Variants in COL11A2 observed in about 807,000 individuals in gnomAD.
COL11A2 encodes collagen type XI alpha 2 chain.
A neutral mutation model predicts 273.4 loss-of-function variants in COL11A2; 116 were observed. The ratio of observed to expected loss-of-function variants is 0.42; its 90% CI spans 0.36 to 0.49. The LOEUF is 0.49. Ranked by LOEUF, COL11A2 falls within the 20% of genes least tolerant of loss-of-function variation. COL11A2 has a pLI of 0.00. For missense variants in COL11A2, 1,866 were observed against 2,309.0 expected (o/e 0.81, Z 3.93); for synonymous variants, 782 against 864.2 (o/e 0.90, Z 1.67).
chr6:33,178,184 C>T lies in COL11A2; in HGVS notation c.1820G>A (p.Gly607Glu). Reference sequence around the variant, plus strand: ...TTTGGGGCCAAGGAGACCTCGAGGTCCCTGCATTCACGGTGAGGGGAGGAG... The same window carrying T: ...TTTGGGGCCAAGGAGACCTCGAGGTTCCTGCATTCACGGTGAGGGGAGGAG... ...IGPRGLPGES[G>E]PRGLLGPKGP... Residue 607 changes from glycine (G) to glutamate (E), a missense_variant and splice_region_variant, in exon 21 of 66, where the codon GGA (glycine) becomes GAA (glutamate). By Grantham distance (98) the Gly-to-Glu change is moderately conservative. Coordinates refer to ENST00000341947, the MANE Select transcript of COL11A2 (RefSeq NM_080680.3). This position sits in a 1 kb window ranked among gnomAD's most constrained non-coding sequence, Gnocchi z 4.6. 6.2e-7 allele frequency: 1 copy of T among 1,611,994 alleles called. No individual in the cohort carries two copies. Among genetic ancestry groups the T allele is most frequent in the Non-Finnish European group, 8.5e-7 (1 of 1,179,290 alleles).
Position 33,177,951 on chromosome 6 carries a change from G to A in COL11A2, c.1872+181C>T. 1 of 788,076 alleles carries A rather than the reference G, an allele frequency of 1.3e-6. No homozygotes were observed. The highest frequency in any genetic ancestry group is 2.6e-5 in the East Asian group (1 of 38,110). The allele number at this position is 788,076 out of a possible 1,614,324, so 48.8% of individuals were successfully genotyped here. On this transcript the variant is annotated intron_variant, in intron 21 of 65. Coordinates refer to ENST00000341947, the MANE Select transcript of COL11A2 (RefSeq NM_080680.3). The surrounding 1 kb of genome is among the most constrained non-coding windows in gnomAD (Gnocchi z 5.9). Reference sequence around the variant, plus strand: ...AGCCCTCAGGGCACCACGCCACATGGCCCTCCCTGTGCACGGGGAGCGAAT... The same window carrying A: ...AGCCCTCAGGGCACCACGCCACATGACCCTCCCTGTGCACGGGGAGCGAAT...
Position 33,179,587 on chromosome 6 carries a change from C to T in COL11A2, c.1447-100G>A. On this transcript the variant is annotated intron_variant, in intron 13 of 65. Coordinates refer to ENST00000341947, the MANE Select transcript of COL11A2 (RefSeq NM_080680.3). The surrounding 1 kb of genome is among the most constrained non-coding windows in gnomAD (Gnocchi z 6.4). The stretch of plus-strand genomic sequence containing the variant: ...CCCTTCCTCTCCTGATCCTCATCCA[C>T]TGCCCAGGATTCTCCCCAACCTCCC... 2.1e-6 allele frequency: 3 copies of T among 1,447,672 alleles called. No individual in the cohort carries two copies. Among genetic ancestry groups the T allele is most frequent in the Non-Finnish European group, 2.8e-6 (3 of 1,053,692 alleles). The allele number at this position is 1,447,672 out of a possible 1,614,324, so 89.7% of individuals were successfully genotyped here. A position where few individuals can be genotyped will look rare whatever the true frequency, so the allele number is the denominator to read the frequency against.
At position 33,172,530 on chromosome 6, in the gene COL11A2, C is replaced by G; in HGVS notation, c.2898G>C (p.Lys966Asn). Residue 966 changes from lysine to asparagine, a missense_variant and splice_region_variant, in exon 39 of 66, where the codon AAG becomes AAC. Coordinates refer to ENST00000341947, the MANE Select transcript of COL11A2 (RefSeq NM_080680.3). The stretch of plus-strand genomic sequence containing the variant: ...CCCCTCTGCCTGGCCCCTCACTGAC[C>G]TTTGTTCCTTCTTTTCCAGCTGTCC... ...LPGTAGKEGT[K>N]GDPGPPGAPG... is the part of the protein sequence containing the mutation. 6.2e-7 allele frequency: 1 copy of G among 1,612,712 alleles called. No individual in the cohort carries two copies. Among genetic ancestry groups the G allele is most frequent in the Non-Finnish European group, 8.5e-7 (1 of 1,179,874 alleles).
At chr6:33,180,236 C>A (rs1433428145) in intron 12 of COL11A2, 22 bp downstream of exon 12, 2 of 1,611,666 alleles carry the variant, frequency 1.2e-6, no homozygotes, top group Non-Finnish European at 1.7e-6. Context: ...CAGCATGTTC[C>A]AAAACCCAAG....
intron 11 of COL11A2, 63 bp from the exon 12 acceptor site, chr6:33,180,395 T>G: frequency 7.1e-7 from 1 of 1,401,754 alleles, no homozygotes; most frequent in Non-Finnish European, 1.0e-6. Flanking sequence ...GATCTTAGCA[T>G]GATTTTGAAA....
chr6:33,172,233 G>C (rs951946176), intron 40 of COL11A2, 56 bp downstream of exon 40: 1 of 1,564,694 alleles, frequency 6.4e-7, no homozygotes, highest in South Asian at 1.1e-5. Flanking sequence ...GGGTCGGGGT[G>C]GGGACTCAGG....
intron 53 of COL11A2, 61 bp from the exon 54 acceptor site, chr6:33,168,633 A>AG (rs1769547478): frequency 9.4e-6 from 15 of 1,602,618 alleles, no homozygotes; most frequent in Non-Finnish European, 1.3e-5. Flanking sequence ...ACCCCTCAGG[A>AG]GTGGGGCACA....
intron 30 of COL11A2, among the ~76,000 whole-genome samples, chr6:33,175,228 G>A (rs1001702259): frequency 6.6e-6 from 1 of 152,192 alleles, no homozygotes; most frequent in African/African-American, 2.4e-5. Context: ...CAAGTGCTGG[G>A]GAGAGTCAGC....
intron 7 of COL11A2, among the ~76,000 whole-genome samples, chr6:33,184,733 C>T (rs551682551): frequency 6.6e-6 from 1 of 152,288 alleles, no homozygotes; most frequent in Non-Finnish European, 1.5e-5. Context: ...GACCATTAGA[C>T]ACCAACATGG....
chr6:33,179,594 G>C lies in COL11A2; in HGVS notation c.1447-107C>G. ...TCTCCTGATCCTCATCCACTGCCCA[G>C]GATTCTCCCCAACCTCCCTGTTAAC... is the stretch of plus-strand genomic sequence containing the variant. On this transcript the variant is annotated intron_variant, in intron 13 of 65. Coordinates refer to ENST00000341947, the MANE Select transcript of COL11A2 (RefSeq NM_080680.3). The surrounding 1 kb of genome is among the most constrained non-coding windows in gnomAD (Gnocchi z 6.4). 1 of 1,452,504 alleles carries C rather than the reference G, an allele frequency of 6.9e-7. No homozygotes were observed. 90.0% of individuals were successfully genotyped at this position (1,452,504 alleles called of 1,614,324 possible).
At position 33,164,541 on chromosome 6, in the gene COL11A2, C is replaced by G; in HGVS notation, c.4864-68G>C. On this transcript the variant is annotated intron_variant, in intron 64 of 65. Transcript: ENST00000341947. The surrounding 1 kb of genome is among the most constrained non-coding windows in gnomAD (Gnocchi z 4.7). ...GGCTGGCCTCAGAGGGAGACAGAGA[C>G]GGGCCTCAGGAGCATCTACGGCACC... 3.7e-6 allele frequency: 5 copies of G among 1,336,802 alleles called. No homozygotes were observed. The South Asian group carries it at 7.3e-5, about 19-fold the overall frequency. 82.8% of individuals were successfully genotyped at this position (1,336,802 alleles called of 1,614,324 possible).
intron 38 of COL11A2, 152 bp from the exon 39 acceptor site, chr6:33,172,789 T>C: frequency 1.2e-6 from 1 of 806,632 alleles, no homozygotes; most frequent in South Asian, 1.5e-5. Context: ...CCTGGGCCAC[T>C]GCTGGGTTTT....
At position 33,192,237 on chromosome 6, in the gene COL11A2, C is replaced by G. The variant is rs762037161; in HGVS notation, c.4G>C (p.Glu2Gln). 2.6e-6 allele frequency: 4 copies of G among 1,558,562 alleles called. No homozygotes were observed. In the East Asian group the frequency reaches 7.1e-5, roughly 28 times the overall value. Residue 2 changes from glutamate to glutamine, a missense_variant, in exon 1 of 66, where the codon GAG (glutamate) becomes CAG (glutamine). Coordinates refer to ENST00000341947, the MANE Select transcript of COL11A2 (RefSeq NM_080680.3). ...AGGCGATGGCAGCGGCTGCACCGCT[C>G]CATGGCTGAGAAGCCGAAACGCCGG... M[E>Q]RCSRCHRLLL...
chr6:33,167,292 G>C lies in COL11A2; in HGVS notation c.4148C>G (p.Thr1383Arg), dbSNP rs770175568. 6.2e-7 allele frequency: 1 copy of C among 1,613,962 alleles called. No homozygotes were observed. Among genetic ancestry groups the C allele is most frequent in the Non-Finnish European group, 8.5e-7 (1 of 1,180,018 alleles). Residue 1383 changes from threonine (T) to arginine (R), a missense_variant, in exon 57 of 66, where the codon ACA (threonine) becomes AGA (arginine). By Grantham distance (71) the Thr-to-Arg change is moderately conservative. Coordinates refer to ENST00000341947, the MANE Select transcript of COL11A2 (RefSeq NM_080680.3). The surrounding 1 kb of genome is among the most constrained non-coding windows in gnomAD (Gnocchi z 6.1). Reference sequence around the variant, plus strand: ...AGGACCTGGGGGCCCAGCCTGGCCTGTAGCTCCAGGTCGGCCTTGCTGACC... The same window carrying C: ...AGGACCTGGGGGCCCAGCCTGGCCTCTAGCTCCAGGTCGGCCTTGCTGACC... ...SVGQQGRPGA[T>R]GQAGPPGPVG...
rs1406974379 is a variant in COL11A2 at position 33,177,187 on chromosome 6, T to G, written c.2010A>C (p.Gly670=). ...AAATCACTTAGTCACTTACCTTCTC[T>G]CCATGAGGGCCGATGGCACCCTGGG... ...PGPQGAIGPH[G]EKGPQGKPGL... Residue 670 remains glycine (G), a synonymous_variant, in exon 24 of 66, where the codon GGA becomes GGC. Transcript: ENST00000341947. The surrounding 1 kb of genome is among the most constrained non-coding windows in gnomAD (Gnocchi z 5.9). 6.2e-7 allele frequency: 1 copy of G among 1,612,918 alleles called. No individual in the cohort carries two copies. The highest frequency in any genetic ancestry group is 1.1e-5 in the South Asian group (1 of 91,080).
chr6:33,175,597 G>A lies in COL11A2; in HGVS notation c.2353C>T (p.Pro785Ser), dbSNP rs1244982404. Residue 785 changes from proline to serine, a missense_variant, in exon 30 of 66, where the codon CCC becomes TCC. Coordinates refer to ENST00000341947, the MANE Select transcript of COL11A2 (RefSeq NM_080680.3). ...GRTGPTGDPG[P>S]PGLMGEKGKL... ...ACCTTCTCGCCCATGAGCCCTGGGGGCCCAGGGTCTCCAGTCGGTCCAGTG... is the reference window on the plus strand; with the variant it reads ...ACCTTCTCGCCCATGAGCCCTGGGGACCCAGGGTCTCCAGTCGGTCCAGTG... 1.9e-6 allele frequency: 3 copies of A among 1,612,796 alleles called. No homozygotes were observed. Among genetic ancestry groups the A allele is most frequent in the Non-Finnish European group, 2.5e-6 (3 of 1,179,892 alleles).
intron 53 of COL11A2, 59 bp downstream of exon 53, chr6:33,168,647 G>A: frequency 1.9e-6 from 3 of 1,595,984 alleles, no homozygotes; most frequent in South Asian, 2.3e-5. Flanking sequence ...GGGCACAGAA[G>A]AGGGGTAAAG....
Position 33,176,925 on chromosome 6 carries a change from G to A in COL11A2, c.2070+67C>T. 1.3e-6 allele frequency: 2 copies of A among 1,566,656 alleles called. No individual in the cohort carries two copies. The highest frequency in any genetic ancestry group is 1.7e-6 in the Non-Finnish European group (2 of 1,149,300). On this transcript the variant is annotated intron_variant, in intron 25 of 65. Coordinates refer to ENST00000341947, the MANE Select transcript of COL11A2 (RefSeq NM_080680.3). The surrounding 1 kb of genome is among the most constrained non-coding windows in gnomAD (Gnocchi z 4.9). ...TTTCAGTGCAAGGGTCACTAAAGGA[G>A]CTCTGAGGTCATGCACTGGGGTGGA...
Position 33,169,019 on chromosome 6 carries a change from T to C in COL11A2, c.3799-11A>G, listed in dbSNP as rs755035709. The stretch of plus-strand genomic sequence containing the variant: ...AAAACCAACAGGACCCTGATCCAGA[T>C]GGAGAATAAGAGTCAGGGTCACAGC... On this transcript the variant is annotated splice_polypyrimidine_tract_variant and intron_variant, in intron 51 of 65. Transcript: ENST00000341947. This position sits in a 1 kb window ranked among gnomAD's most constrained non-coding sequence, Gnocchi z 5.5. 1.2e-5 allele frequency: 19 copies of C among 1,604,524 alleles called. No homozygotes were observed. Among genetic ancestry groups the C allele is most frequent in the Non-Finnish European group, 1.6e-5 (19 of 1,175,914 alleles).
Sources: allele counts gnomAD v4.1 joint callset (sites outside exome capture counted in the v4.1 genomes callset), GRCh38; gene constraint gnomAD v4.1.1; non-coding constraint Gnocchi (gnomAD v3.1); transcripts MANE v1.5; gene names NCBI Gene and HGNC (gene_info 2026-07-23, HGNC 2026-07-21).